SRSF8: variants seen among roughly 807,000 people sequenced by gnomAD.
SRSF8 encodes serine and arginine rich splicing factor 8, also known as serine/arginine-rich splicing factor 8.
A neutral mutation model predicts 2.0 loss-of-function variants in SRSF8; 3 were observed. That is an observed-to-expected ratio of 1.47 (90% CI 0.67 to 3.79). SRSF8 has a LOEUF of 3.79. Ranked by LOEUF, SRSF8 falls within the 30% of genes most tolerant of loss-of-function variation. SRSF8 has a pLI of 0.02. For missense variants in SRSF8, 408 were observed against 410.9 expected (o/e 0.99, Z 0.06); for synonymous variants, 162 against 170.7 (o/e 0.95, Z 0.40).
At position 95,067,329 on chromosome 11, in the gene SRSF8, G is replaced by A. The variant is rs782128127; in HGVS notation, c.103G>A (p.Glu35Lys). 1 of 1,604,256 alleles carries A rather than the reference G, an allele frequency of 6.2e-7. No homozygotes were observed. The highest frequency in any genetic ancestry group is 8.5e-7 in the Non-Finnish European group (1 of 1,177,120). Residue 35 changes from glutamate to lysine, a missense_variant, in exon 1 of 1, where the codon GAG (glutamate) becomes AAG (lysine). Around this residue, in one of 2 missense-constraint regions of SRSF8, gnomAD observed 62 missense variants for 94.4 expected, o/e 0.66. Coordinates refer to ENST00000587424, the MANE Select transcript of SRSF8 (RefSeq NM_032102.4). ...TSPDSLRRVF[E>K]KYGRVGDVYI... ...TCCCGACAGCTTGAGGCGCGTGTTCGAGAAGTACGGGCGCGTGGGCGACGT... is the reference window on the plus strand; with the variant it reads ...TCCCGACAGCTTGAGGCGCGTGTTCAAGAAGTACGGGCGCGTGGGCGACGT...
In SRSF8 at chr11:95,069,621, G is replaced by T. The variant is rs1173854707; in HGVS notation, c.*1546G>T. On this transcript the variant is annotated 3_prime_UTR_variant, in exon 1 of 1. Coordinates refer to ENST00000587424, the MANE Select transcript of SRSF8 (RefSeq NM_032102.4). ...TTGAATGAACTGGCAAGGTGGCTGTGGTCTGTAGATATACATCCCACATTT... is the reference window on the plus strand; with the variant it reads ...TTGAATGAACTGGCAAGGTGGCTGTTGTCTGTAGATATACATCCCACATTT... 1 of 166,994 alleles carries T rather than the reference G, an allele frequency of 6.0e-6. No individual in the cohort carries two copies. The highest frequency in any genetic ancestry group is 2.4e-5 in the African/African-American group (1 of 41,404). 10.3% of individuals were successfully genotyped at this position (166,994 alleles called of 1,614,324 possible).
rs1858699637 is a variant in SRSF8 at position 95,069,166 on chromosome 11, T to A, written c.*1091T>A. ...CTGTATGACTTTTGGATATTTGTAC[T>A]TTTGAGAAAATTATTAGCACCAAGT... On this transcript the variant is annotated 3_prime_UTR_variant, in exon 1 of 1. Transcript: ENST00000587424. 6.0e-6 allele frequency: 1 copy of A among 167,086 alleles called. No homozygotes were observed. The highest frequency in any genetic ancestry group is 2.4e-5 in the African/African-American group (1 of 41,470). The allele number at this position is 167,086 out of a possible 1,614,324, so 10.4% of individuals were successfully genotyped here. A position where few individuals can be genotyped will look rare whatever the true frequency, so the allele number is the denominator to read the frequency against.
At position 95,067,710 on chromosome 11, in the gene SRSF8, C is replaced by G. The variant is rs782013081; in HGVS notation, c.484C>G (p.Arg162Gly). The G allele has an allele frequency of 7.4e-6, 12 of 1,613,828 alleles. No homozygotes were observed. The highest frequency in any genetic ancestry group is 8.5e-7 in the Non-Finnish European group (1 of 1,179,840). Residue 162 changes from arginine (R) to glycine (G), a missense_variant, in exon 1 of 1, where the codon CGA becomes GGA. Arg to Gly is a moderately radical substitution (Grantham distance 125). This residue lies in a region of SRSF8 where 346 missense variants were observed against 316.5 expected (regional missense o/e 1.09). Transcript: ENST00000587424. Reference protein sequence around the residue: ...GSRYSRSPYSRSPYSRSRYSR... With the variant: ...GSRYSRSPYSGSPYSRSRYSR... ...TCGCTATAGCCGGTCTCCCTACAGC[C>G]GATCTCCTTACAGCCGGTCGCGCTA...
Position 95,067,983 on chromosome 11 carries a change from C to A in SRSF8, c.757C>A (p.Pro253Thr). 1 of 1,613,964 alleles carries A rather than the reference C, an allele frequency of 6.2e-7. No individual in the cohort carries two copies. Among genetic ancestry groups the A allele is most frequent in the African/African-American group, 1.3e-5 (1 of 75,038 alleles). Reference sequence around the variant, plus strand: ...CAGGTCTTCATCTATGACCAGGAGTCCTCCCCGGGTATCCAAGAGGAAATC... The same window carrying A: ...CAGGTCTTCATCTATGACCAGGAGTACTCCCCGGGTATCCAAGAGGAAATC... ...RSRSSSMTRSPPRVSKRKSKS... is the reference protein window; with the variant it reads ...RSRSSSMTRSTPRVSKRKSKS... The change falls in exon 1 of 1, where the codon CCT becomes ACT. Residue 253 changes from proline (P) to threonine (T), a missense_variant. This residue lies in a region of SRSF8 where 346 missense variants were observed against 316.5 expected (regional missense o/e 1.09). Transcript: ENST00000587424.
rs572054557 is a variant in SRSF8 at position 95,070,596 on chromosome 11, G to A, written c.*2521G>A. The A allele has an allele frequency of 6.0e-6, 1 of 167,110 alleles. No homozygotes were observed. The highest frequency in any genetic ancestry group is 2.1e-4 in the South Asian group (1 of 4,804). 10.4% of individuals were successfully genotyped at this position (167,110 alleles called of 1,614,324 possible). On this transcript the variant is annotated 3_prime_UTR_variant, in exon 1 of 1. Coordinates refer to ENST00000587424, the MANE Select transcript of SRSF8 (RefSeq NM_032102.4). ...TATTAGTACCATGATCTAACCAACT[G>A]AGCTAACTGGCCACACCATTTTATC...
At position 95,070,817 on chromosome 11, in the gene SRSF8, T is replaced by A. The variant is rs1157337561; in HGVS notation, c.*2742T>A. The A allele has an allele frequency of 6.0e-6, 1 of 167,016 alleles. No individual in the cohort carries two copies. The highest frequency in any genetic ancestry group is 1.5e-5 in the Non-Finnish European group (1 of 68,100). 10.3% of individuals were successfully genotyped at this position (167,016 alleles called of 1,614,324 possible). ...TAGATCTAATAAGACACGTAATAGA[T>A]TAGAAGTAGGGAAATTAATGAAAAA... is the stretch of plus-strand genomic sequence containing the variant. On this transcript the variant is annotated 3_prime_UTR_variant, in exon 1 of 1. Transcript: ENST00000587424.
chr11:95,067,076 A>T lies in SRSF8; in HGVS notation c.-151A>T. 1 of 687,390 alleles carries T rather than the reference A, an allele frequency of 1.5e-6. No homozygotes were observed. Among genetic ancestry groups the T allele is most frequent in the Non-Finnish European group, 2.2e-6 (1 of 448,900 alleles). The allele number at this position is 687,390 out of a possible 1,614,324, so 42.6% of individuals were successfully genotyped here. A position where few individuals can be genotyped will look rare whatever the true frequency, so the allele number is the denominator to read the frequency against. On this transcript the variant is annotated 5_prime_UTR_variant, in exon 1 of 1. Transcript: ENST00000587424. ...TTGGGAACTCGGAAGTTGCTGCTCC[A>T]GGGCGCTCCCTGCGGAGCTCCGCCG...
Position 95,067,097 on chromosome 11 carries a change from C to A in SRSF8, c.-130C>A. ...CTCCAGGGCGCTCCCTGCGGAGCTC[C>A]GCCGCCCGCCTCTCCGCCCGGCCTT... On this transcript the variant is annotated 5_prime_UTR_variant, in exon 1 of 1. Coordinates refer to ENST00000587424, the MANE Select transcript of SRSF8 (RefSeq NM_032102.4). 1 of 953,936 alleles carries A rather than the reference C, an allele frequency of 1.0e-6. No homozygotes were observed. The highest frequency in any genetic ancestry group is 1.5e-6 in the Non-Finnish European group (1 of 689,072). The allele number at this position is 953,936 out of a possible 1,614,324, so 59.1% of individuals were successfully genotyped here.
In SRSF8 at chr11:95,067,675, A is replaced by G. The variant is rs550568955; in HGVS notation, c.449A>G (p.Tyr150Cys). 145 of 1,613,246 alleles carry G rather than the reference A, an allele frequency of 9.0e-5. 2 individuals carry two copies. The South Asian group carries it at 1.5e-3, about 17-fold the overall frequency. ...SCSRSRSRSR[Y>C]RGSRYSRSPY... ...TCCAGGTCCCGCAGCCGATCTCGCT[A>G]TAGGGGTTCTCGCTATAGCCGGTCT... Residue 150 changes from tyrosine to cysteine, a missense_variant, in exon 1 of 1, where the codon TAT becomes TGT. Tyr to Cys is a radical substitution (Grantham distance 194, BLOSUM62 -2). Coordinates refer to ENST00000587424, the MANE Select transcript of SRSF8 (RefSeq NM_032102.4).
chr11:95,068,020 C>G lies in SRSF8; in HGVS notation c.794C>G (p.Ser265Trp). The change falls in exon 1 of 1, where the codon TCG (serine) becomes TGG (tryptophan). Residue 265 changes from serine (S) to tryptophan (W), a missense_variant. Coordinates refer to ENST00000587424, the MANE Select transcript of SRSF8 (RefSeq NM_032102.4). ...TCCAAGAGGAAATCCAAGTCAAGGT[C>G]GCGATCCAAGAGGCCCCCCAAGTCT... The part of the protein sequence containing the change: ...RVSKRKSKSR[S>W]RSKRPPKSPE... 6.2e-7 allele frequency: 1 copy of G among 1,613,766 alleles called. No homozygotes were observed. The highest frequency in any genetic ancestry group is 8.5e-7 in the Non-Finnish European group (1 of 1,179,800).
Position 95,067,634 on chromosome 11 carries a change from C to T in SRSF8, c.408C>T (p.Ser136=). Residue 136 remains serine (S), a synonymous_variant, in exon 1 of 1, where the codon TCC becomes TCT. Coordinates refer to ENST00000587424, the MANE Select transcript of SRSF8 (RefSeq NM_032102.4). The part of the protein sequence containing the change: ...RSPRRRHRSR[S]RGPSCSRSRS... Reference sequence around the variant, plus strand: ...CCAGGCGGCGACACCGCAGCCGATCCCGGGGTCCCAGCTGCTCCAGGTCCC... The same window carrying T: ...CCAGGCGGCGACACCGCAGCCGATCTCGGGGTCCCAGCTGCTCCAGGTCCC... 4 of 1,592,402 alleles carry T rather than the reference C, an allele frequency of 2.5e-6. No individual in the cohort carries two copies. The highest frequency in any genetic ancestry group is 3.4e-6 in the Non-Finnish European group (4 of 1,169,600).
chr11:95,067,784 C>G lies in SRSF8; in HGVS notation c.558C>G (p.Gly186=). Reference sequence around the variant, plus strand: ...CTCGCTACAGGGAATCTCGCTACGGCGGATCTCACTACAGCTCATCTGGTT... The same window carrying G: ...CTCGCTACAGGGAATCTCGCTACGGGGGATCTCACTACAGCTCATCTGGTT... ...SRSRYRESRY[G]GSHYSSSGYS... The change falls in exon 1 of 1, where the codon GGC becomes GGG. Residue 186 remains glycine, a synonymous_variant. Coordinates refer to ENST00000587424, the MANE Select transcript of SRSF8 (RefSeq NM_032102.4). 2.5e-6 allele frequency: 4 copies of G among 1,614,032 alleles called. No individual in the cohort carries two copies. Among genetic ancestry groups the G allele is most frequent in the Non-Finnish European group, 3.4e-6 (4 of 1,179,884 alleles).
At position 95,068,851 on chromosome 11, in the gene SRSF8, T is replaced by G. The variant is rs1858693670; in HGVS notation, c.*776T>G. The G allele has an allele frequency of 6.0e-6, 1 of 167,148 alleles. No individual in the cohort carries two copies. The highest frequency in any genetic ancestry group is 6.5e-5 in the Admixed American group (1 of 15,288). 10.4% of individuals were successfully genotyped at this position (167,148 alleles called of 1,614,324 possible). The stretch of plus-strand genomic sequence containing the variant: ...CAGTCACCCAGGCCTTGCAGATAAA[T>G]AATGGAGCATGCAGTGAGCACATCT... On this transcript the variant is annotated 3_prime_UTR_variant, in exon 1 of 1. Transcript: ENST00000587424.
Position 95,068,884 on chromosome 11 carries a change from G to C in SRSF8, c.*809G>C, listed in dbSNP as rs1858693972. 1 of 167,100 alleles carries C rather than the reference G, an allele frequency of 6.0e-6. No individual in the cohort carries two copies. The highest frequency in any genetic ancestry group is 6.5e-5 in the Admixed American group (1 of 15,284). The allele number at this position is 167,100 out of a possible 1,614,324, so 10.4% of individuals were successfully genotyped here. A position where few individuals can be genotyped will look rare whatever the true frequency, so the allele number is the denominator to read the frequency against. On this transcript the variant is annotated 3_prime_UTR_variant, in exon 1 of 1. Coordinates refer to ENST00000587424, the MANE Select transcript of SRSF8 (RefSeq NM_032102.4). The stretch of plus-strand genomic sequence containing the variant: ...CATGCAGTGAGCACATCTAGCTGAC[G>C]ATAATCACACCTTTTCCCCCGTCTT...
chr11:95,067,262 C>T lies in SRSF8; in HGVS notation c.36C>T (p.Gly12=). 2 of 1,562,174 alleles carry T rather than the reference C, an allele frequency of 1.3e-6. No homozygotes were observed. Among genetic ancestry groups the T allele is most frequent in the South Asian group, 2.3e-5 (2 of 85,576 alleles). The change falls in exon 1 of 1, where the codon GGC becomes GGT. Residue 12 remains glycine, a synonymous_variant. Transcript: ENST00000587424. The part of the protein sequence containing the change: ...SCGRPPPDVD[G]MITLKVDNLT... The stretch of plus-strand genomic sequence containing the variant: ...GCCGCCCCCCTCCCGACGTGGACGG[C>T]ATGATCACCCTCAAGGTGGACAACC...
Position 95,067,653 on chromosome 11 carries a change from A to C in SRSF8, c.427A>C (p.Arg143=). The C allele has an allele frequency of 5.6e-6, 9 of 1,607,508 alleles. No homozygotes were observed. Among genetic ancestry groups the C allele is most frequent in the Non-Finnish European group, 7.6e-6 (9 of 1,176,972 alleles). ...RSRSRGPSCS[R]SRSRSRYRGS... is the part of the protein sequence containing the mutation. Reference sequence around the variant, plus strand: ...CCGATCCCGGGGTCCCAGCTGCTCCAGGTCCCGCAGCCGATCTCGCTATAG... The same window carrying C: ...CCGATCCCGGGGTCCCAGCTGCTCCCGGTCCCGCAGCCGATCTCGCTATAG... The change falls in exon 1 of 1, where the codon AGG becomes CGG. Residue 143 remains arginine (R), a synonymous_variant. Transcript: ENST00000587424.
rs890526645 is a variant in SRSF8, at chr11:95,067,138, G to T, written c.-89G>T. ...GCCCGGCCTTTCCCGGCGTCCCCAC[G>T]CGGGGCGCAACCGCGAGAAAGAAAC... is the stretch of plus-strand genomic sequence containing the variant. On this transcript the variant is annotated 5_prime_UTR_variant, in exon 1 of 1. Transcript: ENST00000587424. The T allele has an allele frequency of 7.9e-6, 10 of 1,259,578 alleles. No individual in the cohort carries two copies. In the East Asian group the frequency reaches 1.3e-4, roughly 16 times the overall value. 78.0% of individuals were successfully genotyped at this position (1,259,578 alleles called of 1,614,324 possible). A position where few individuals can be genotyped will look rare whatever the true frequency, so the allele number is the denominator to read the frequency against.
rs1162522532 is a variant in SRSF8, at chr11:95,070,008, C to A, written c.*1933C>A. ...GTTTGAAGCTTTGAAGCAAAAATAT[C>A]TGTAGAACATCTTAAACGTGACCAA... On this transcript the variant is annotated 3_prime_UTR_variant, in exon 1 of 1. Transcript: ENST00000587424. The A allele has an allele frequency of 1.2e-5, 2 of 167,036 alleles. No homozygotes were observed. Among genetic ancestry groups the A allele is most frequent in the Non-Finnish European group, 2.9e-5 (2 of 68,118 alleles). The allele number at this position is 167,036 out of a possible 1,614,324, so 10.3% of individuals were successfully genotyped here.
rs185693354 is a variant in SRSF8, at chr11:95,068,671, G to C, written c.*596G>C. On this transcript the variant is annotated 3_prime_UTR_variant, in exon 1 of 1. Transcript: ENST00000587424. ...GTGCACCAGGCCCGGCTGCGTAGCA[G>C]TTGAGTGATGCTGGTTAGCTATTAA... The C allele has an allele frequency of 5.9e-6, 1 of 170,576 alleles. No individual in the cohort carries two copies. The highest frequency in any genetic ancestry group is 2.4e-5 in the African/African-American group (1 of 41,480). The allele number at this position is 170,576 out of a possible 1,614,324, so 10.6% of individuals were successfully genotyped here. A position where few individuals can be genotyped will look rare whatever the true frequency, so the allele number is the denominator to read the frequency against.
Sources: gnomAD v4.1 joint callset for allele counts on GRCh38, gnomAD v4.1.1 for gene constraint, gnomAD v4.1.1 regional missense constraint, MANE v1.5 for transcripts, NCBI Gene and HGNC (gene_info 2026-07-23, HGNC 2026-07-21) for gene names.